CAGE1: variants seen among roughly 807,000 people sequenced by gnomAD.
CAGE1 encodes the protein cancer-associated gene 1 protein.
CAGE1 carries 66 observed loss-of-function variants against 94.9 expected under a neutral mutation model. That is an observed-to-expected ratio of 0.70 (90% CI 0.57 to 0.85). The LOEUF (loss-of-function observed/expected upper bound fraction) is 0.85, where lower values mean the gene tolerates loss of function less well. CAGE1 is among the 40% of genes least tolerant of loss of function. CAGE1 has a pLI of 0.00. For missense variants in CAGE1, 865 were observed against 950.4 expected (o/e 0.91, Z 1.18); for synonymous variants, 319 against 321.0 (o/e 0.99, Z 0.07).
intron 12 of CAGE1, among the ~76,000 whole-genome samples, chr6:7,332,492 A>G (rs1420566524): frequency 6.6e-6 from 1 of 152,196 alleles, no homozygotes; most frequent in Non-Finnish European, 1.5e-5. Context: ...TTTCACACCC[A>G]TTCTTTGTCT....
chr6:7,389,501 C>T lies in CAGE1; in HGVS notation c.-323G>A, dbSNP rs1436114810. On this transcript the variant is annotated 5_prime_UTR_variant, in exon 1 of 14. Coordinates refer to ENST00000502583, the MANE Select transcript of CAGE1 (RefSeq NM_001170692.2). The stretch of plus-strand genomic sequence containing the variant: ...GGTGCAGCCCGCGAGGCCCGAGCGA[C>T]CCTACTGTGGGTGCGGTGTCTTCCC... 3 of 365,570 alleles carry T rather than the reference C, an allele frequency of 8.2e-6. No homozygotes were observed. Among genetic ancestry groups the T allele is most frequent in the Admixed American group, 7.2e-5 (2 of 27,948 alleles). 22.6% of individuals were successfully genotyped at this position (365,570 alleles called of 1,614,324 possible). A position where few individuals can be genotyped will look rare whatever the true frequency, so the allele number is the denominator to read the frequency against.
At chr6:7,329,777 A>G (rs1758680805) in intron 13 of CAGE1, 72 bp downstream of exon 13, 2 of 763,308 alleles carry the variant, frequency 2.6e-6, no homozygotes, top group Non-Finnish European at 4.5e-6. Context: ...AGGAACTCCT[A>G]TTAAATCTTG....
rs1561864854 is a variant in CAGE1, at chr6:7,374,027, A to G, written c.792T>C (p.Ile264=). 2.5e-6 allele frequency: 4 copies of G among 1,614,012 alleles called. No individual in the cohort carries two copies. Among genetic ancestry groups the G allele is most frequent in the Non-Finnish European group, 3.4e-6 (4 of 1,179,886 alleles). The stretch of plus-strand genomic sequence containing the variant: ...TGCCTGCCGAAGACCAAGTTGAGAC[A>G]ATTTCTGGCCTCTCCACACCCTCTG... ...VTAEGVERPE[I]VSTWSSAGIS... The change falls in exon 5 of 14, where the codon ATT becomes ATC. Residue 264 remains isoleucine (I), a synonymous_variant. Transcript: ENST00000502583.
At chr6:7,361,736 G>C (rs1253745995) in intron 9 of CAGE1, among the ~76,000 whole-genome samples, 1 of 152,180 alleles carries the variant, frequency 6.6e-6, no homozygotes, top group African/African-American at 2.4e-5. Context: ...GAAGGTGAGG[G>C]ATAGAGTCAG....
At chr6:7,341,160 G>T (rs1759159535) in intron 11 of CAGE1, 3 of 576,972 alleles carry the variant, frequency 5.2e-6, no homozygotes, top group African/African-American at 3.8e-5. Context: ...TGGTGGGCAG[G>T]TACACTTTGT....
Position 7,334,076 on chromosome 6 carries a change from T to C in CAGE1, c.2384A>G (p.Asn795Ser), listed in dbSNP as rs747254408. The C allele has an allele frequency of 5.2e-6, 8 of 1,533,628 alleles. No individual in the cohort carries two copies. The highest frequency in any genetic ancestry group is 2.0e-5 in the Admixed American group (1 of 50,894). ...TCTAATTAAATCCTCTAAATGTTTA[T>C]TTCTCTCTTCCAAACTGAAAGAAGA... Reference protein sequence around the residue: ...HSQIAHLEERNKHLEDLIRKP... With the variant: ...HSQIAHLEERSKHLEDLIRKP... The change falls in exon 12 of 14, where the codon AAT (asparagine) becomes AGT (serine). Residue 795 changes from asparagine (N) to serine (S), a missense_variant. By Grantham distance (46) the Asn-to-Ser change is conservative. Transcript: ENST00000502583.
At chr6:7,374,176 T>C (rs773425414) in intron 4 of CAGE1, 45 bp from the exon 5 acceptor site, 2 of 1,501,452 alleles carry the variant, frequency 1.3e-6, no homozygotes, top group Non-Finnish European at 1.8e-6. Context: ...AGTAGAAAGA[T>C]AATGAGCTTT....
rs1433117577 is a variant in CAGE1, at chr6:7,378,965, G to A, written c.339C>T (p.Ile113=). ...TNALIQPVDT[I]SISSLRQFET... is the part of the protein sequence containing the mutation. ...CAAATTGTCTCAAGGAAGATATGCTGATGGTGTCAACTGGCTGAATTAGTG... is the reference window on the plus strand; with the variant it reads ...CAAATTGTCTCAAGGAAGATATGCTAATGGTGTCAACTGGCTGAATTAGTG... Residue 113 remains isoleucine (I), a synonymous_variant, in exon 4 of 14, where the codon ATC becomes ATT. Coordinates refer to ENST00000502583, the MANE Select transcript of CAGE1 (RefSeq NM_001170692.2). 6.4e-7 allele frequency: 1 copy of A among 1,571,686 alleles called. No individual in the cohort carries two copies. Among genetic ancestry groups the A allele is most frequent in the Non-Finnish European group, 8.6e-7 (1 of 1,156,952 alleles).
chr6:7,380,073 A>G (rs531635274), intron 3 of CAGE1, among the ~76,000 whole-genome samples: 1 of 152,164 alleles, frequency 6.6e-6, no homozygotes, highest in Non-Finnish European at 1.5e-5. Flanking sequence ...CTCACTTCCT[A>G]TTCCACAATG....
intron 11 of CAGE1, among the ~76,000 whole-genome samples, chr6:7,340,284 T>G (rs751546403): frequency 6.6e-6 from 1 of 152,186 alleles, no homozygotes; most frequent in Non-Finnish European, 1.5e-5. Context: ...TCTTGTTAAT[T>G]TGTTTGAGTT....
intron 11 of CAGE1, among the ~76,000 whole-genome samples, chr6:7,336,246 C>A (rs539682193): frequency 3.2e-4 from 49 of 152,178 alleles, no homozygotes; most frequent in Non-Finnish European, 6.9e-4. Context: ...AGGGAGATAC[C>A]CAAGGAAAGA....
intron 11 of CAGE1, chr6:7,338,920 T>C: frequency 6.3e-7 from 1 of 1,594,564 alleles, no homozygotes; most frequent in East Asian, 2.2e-5. Context: ...TGGGCAGTTA[T>C]CTCATCTTTG....
Position 7,365,846 on chromosome 6 carries a change from C to G in CAGE1, c.2043G>C (p.Glu681Asp), listed in dbSNP as rs149121929. The part of the protein sequence containing the change: ...KHKDRITTFR[E>D]LIAKEKAFQD... Reference sequence around the variant, plus strand: ...GAAATGCTTTTTCCTTAGCAATTAACTCTCTAAAGGTTGTGATTCTATCTT... The same window carrying G: ...GAAATGCTTTTTCCTTAGCAATTAAGTCTCTAAAGGTTGTGATTCTATCTT... Residue 681 changes from glutamate (E) to aspartate (D), a missense_variant, in exon 8 of 14, where the codon GAG becomes GAC. Glu to Asp is a conservative substitution (Grantham distance 45). Coordinates refer to ENST00000502583, the MANE Select transcript of CAGE1 (RefSeq NM_001170692.2). 1 of 1,540,420 alleles carries G rather than the reference C, an allele frequency of 6.5e-7. No homozygotes were observed. The highest frequency in any genetic ancestry group is 2.5e-5 in the East Asian group (1 of 40,756).
intron 12 of CAGE1, among the ~76,000 whole-genome samples, chr6:7,332,839 C>T (rs951246462): frequency 6.6e-6 from 1 of 152,170 alleles, no homozygotes; most frequent in African/African-American, 2.4e-5. Context: ...TTCGGAAACT[C>T]TGCACATGGG....
intron 7 of CAGE1, among the ~76,000 whole-genome samples, chr6:7,367,973 G>A (rs908680570): frequency 6.6e-6 from 1 of 152,048 alleles, no homozygotes; most frequent in East Asian, 1.9e-4. Context: ...AGTGGCTCAC[G>A]CCCGTAATCC....
intron 4 of CAGE1, among the ~76,000 whole-genome samples, chr6:7,378,131 C>G (rs1760817221): frequency 6.6e-6 from 1 of 152,158 alleles, no homozygotes; most frequent in Admixed American, 6.5e-5. Context: ...TATATTCAGA[C>G]TGCTCTGTCT....
In CAGE1 at chr6:7,370,109, C is replaced by A. The variant is rs745511413; in HGVS notation, c.1747-44G>T. 4.6e-5 allele frequency: 67 copies of A among 1,441,910 alleles called. No individual in the cohort carries two copies. In the Admixed American group the frequency reaches 9.0e-4, roughly 19 times the overall value. 89.3% of individuals were successfully genotyped at this position (1,441,910 alleles called of 1,614,324 possible). On this transcript the variant is annotated intron_variant, in intron 5 of 13. Coordinates refer to ENST00000502583, the MANE Select transcript of CAGE1 (RefSeq NM_001170692.2). ...GATTTGTCAAAATAATGATGAAGAA[C>A]CTGAAATATCTTTTAAGTAAAATGC...
At chr6:7,360,231 A>G (rs1279554412) in intron 9 of CAGE1, among the ~76,000 whole-genome samples, 1 of 152,156 alleles carries the variant, frequency 6.6e-6, no homozygotes, top group Non-Finnish European at 1.5e-5. Context: ...TCACATCTGC[A>G]AAGTCCATTC....
chr6:7,358,089 C>T (rs1459929344), intron 9 of CAGE1, among the ~76,000 whole-genome samples: 2 of 116,408 alleles, frequency 1.7e-5, no homozygotes, highest in East Asian at 6.0e-4. Context: ...AAACCATCAC[C>T]AGCATCAAGA....
Sources: allele counts gnomAD v4.1 joint callset (sites outside exome capture counted in the v4.1 genomes callset), GRCh38; gene constraint gnomAD v4.1.1; transcripts MANE v1.5; gene names NCBI Gene and HGNC (gene_info 2026-07-23, HGNC 2026-07-21).